Variants in ADAMTS5 observed in about 807,000 individuals in gnomAD.
ADAMTS5 encodes ADAM metallopeptidase with thrombospondin type 1 motif 5, also known as A disintegrin and metalloproteinase with thrombospondin motifs 5.
ADAMTS5 carries 54 observed loss-of-function variants against 81.4 expected under a neutral mutation model. The observed-to-expected ratio is 0.66, with a 90% CI of 0.53 to 0.83. The LOEUF is 0.83. Among genes scored for constraint, ADAMTS5 ranks in the 40% least tolerant of loss-of-function variants. The pLI is 0.00. For synonymous variants in ADAMTS5, 532 were observed against 508.8 expected (o/e 1.05, Z -0.61); for missense variants, 1,194 against 1,229.9 (o/e 0.97, Z 0.44).
intron 1 of ADAMTS5, among the ~76,000 whole-genome samples, chr21:26,956,982 G>T (rs1010726753): frequency 5.9e-5 from 9 of 152,140 alleles, no homozygotes; most frequent in Non-Finnish European, 1.2e-4. Context: ...TAACCACACT[G>T]ATTAAACTCC....
intron 7 of ADAMTS5, among the ~76,000 whole-genome samples, chr21:26,928,387 C>G (rs1324650851): frequency 6.6e-6 from 1 of 152,088 alleles, no homozygotes; most frequent in African/African-American, 2.4e-5. Context: ...ACATTGCATA[C>G]CACTTGTTGC....
chr21:26,942,147 C>T (rs180843470), intron 3 of ADAMTS5, among the ~76,000 whole-genome samples: 149 of 152,142 alleles, frequency 9.8e-4, no homozygotes, highest in African/African-American at 3.3e-3. Context: ...CTGTTCACCA[C>T]GAATGGAGCA....
chr21:26,949,316 TGACTAGCTGGGAC>T (rs2123193626), intron 2 of ADAMTS5, among the ~76,000 whole-genome samples: 1 of 152,102 alleles, frequency 6.6e-6, no homozygotes, highest in Non-Finnish European at 1.5e-5. Context: ...TCATACCTTC[TGACTAGCTGGGAC>T]TACAGGTGCA....
chr21:26,956,979 A>G (rs1434464182), intron 1 of ADAMTS5, among the ~76,000 whole-genome samples: 1 of 152,188 alleles, frequency 6.6e-6, no homozygotes, highest in Non-Finnish European at 1.5e-5. Flanking sequence ...TTTTAACCAC[A>G]CTGATTAAAC....
chr21:26,919,287 T>A lies in ADAMTS5; in HGVS notation c.*4766A>T, dbSNP rs1568834024. On this transcript the variant is annotated 3_prime_UTR_variant, in exon 8 of 8. Transcript: ENST00000284987. ...TCACAGTGTTAGACTTTTAGGTCAC[T>A]CTGATGTAGCAGTACCTTACAGGAT... 2 of 151,502 alleles carry A rather than the reference T, an allele frequency of 1.3e-5. No individual in the cohort carries two copies. The highest frequency in any genetic ancestry group is 2.9e-5 in the Non-Finnish European group (2 of 67,798). 9.4% of individuals were successfully genotyped at this position (151,502 alleles called of 1,614,324 possible).
chr21:26,962,953 A>AT (rs1159542746), intron 1 of ADAMTS5, among the ~76,000 whole-genome samples: 1 of 151,888 alleles, frequency 6.6e-6, no homozygotes, highest in Non-Finnish European at 1.5e-5. Flanking sequence ...ATGCCTTGAA[A>AT]TTTTTTTCAA....
rs16979461 is a variant in ADAMTS5 at position 26,934,008 on chromosome 21, A to C, written c.1689+458T>G. Among the ~76,000 whole-genome samples the C allele has an allele frequency of 7.8e-3, 1,187 of 152,284 alleles. 14 individuals are homozygous for C. Among genetic ancestry groups the C allele is most frequent in the African/African-American group, 0.027 (1,121 of 41,536 alleles). ...GCAGTCGTAAGTTACTTTAGCTCCTAAATTTAGATTAACTTATTGTCAAGG... is the reference window on the plus strand; with the variant it reads ...GCAGTCGTAAGTTACTTTAGCTCCTCAATTTAGATTAACTTATTGTCAAGG... On this transcript the variant is annotated intron_variant, in intron 4 of 7. Coordinates refer to ENST00000284987, the MANE Select transcript of ADAMTS5 (RefSeq NM_007038.5).
chr21:26,965,458 G>A lies in ADAMTS5; in HGVS notation c.934C>T (p.Arg312Cys). 1 of 1,614,252 alleles carries A rather than the reference G, an allele frequency of 6.2e-7. No homozygotes were observed. Among genetic ancestry groups the A allele is most frequent in the Non-Finnish European group, 8.5e-7 (1 of 1,180,042 alleles). The change falls in exon 1 of 8, where the codon CGC (arginine) becomes TGC (cysteine). Residue 312 changes from arginine (R) to cysteine (C), a missense_variant. Around this residue, in one of 2 missense-constraint regions of ADAMTS5, gnomAD observed 696 missense variants for 817.6 expected, o/e 0.85. Transcript: ENST00000284987. ...ACCACCACCTTCACCACGGCCAGGC[G>A]GATGTGGTTCTCGATGCTAGCATGG... ...YSHASIENHI[R>C]LAVVKVVVLG...
Position 26,924,128 on chromosome 21 carries a change from G to A in ADAMTS5, c.2718C>T (p.Asn906=). Residue 906 remains asparagine (N), a synonymous_variant, in exon 8 of 8, where the codon AAC becomes AAT. Coordinates refer to ENST00000284987, the MANE Select transcript of ADAMTS5 (RefSeq NM_007038.5). ...HTRTVQCQDG[N]RKLAKGCPLS... ...GAGGACATCCTTTTGCTAACTTCCG[G>A]TTTCCATCCTGGCACTGCACCGTTC... The A allele has an allele frequency of 6.2e-7, 1 of 1,612,898 alleles. No homozygotes were observed. The highest frequency in any genetic ancestry group is 1.1e-5 in the South Asian group (1 of 91,068).
chr21:26,928,614 TTTCCTTCC>T (rs141744438), intron 7 of ADAMTS5, among the ~76,000 whole-genome samples: 4 of 138,788 alleles, frequency 2.9e-5, no homozygotes, highest in African/African-American at 5.0e-5. Context: ...TTCCTTTTTC[TTTCCTTCC>T]TTCCTTCCTT....
intron 1 of ADAMTS5, among the ~76,000 whole-genome samples, chr21:26,961,394 T>C (rs977719329): frequency 6.6e-6 from 1 of 152,240 alleles, no homozygotes; most frequent in Non-Finnish European, 1.5e-5. Context: ...GAAAGGTCCA[T>C]AGGCAGAATT....
In ADAMTS5 at chr21:26,966,731, A is replaced by G. The variant is rs560428501; in HGVS notation, c.-340T>C. ...AAAAAACAAAAACCAAAAAACCACC[A>G]AATGCAGGCACGATCGCTGTTTCAA... On this transcript the variant is annotated 5_prime_UTR_variant, in exon 1 of 8. Coordinates refer to ENST00000284987, the MANE Select transcript of ADAMTS5 (RefSeq NM_007038.5). Among the ~76,000 whole-genome samples, 5 of 151,958 alleles carry G rather than the reference A, an allele frequency of 3.3e-5. No individual in the cohort carries two copies. The South Asian group carries it at 1.0e-3, about 32-fold the overall frequency.
Position 26,965,613 on chromosome 21 carries a change from C to A in ADAMTS5, c.779G>T (p.Arg260Leu). 4 of 1,594,760 alleles carry A rather than the reference C, an allele frequency of 2.5e-6. No homozygotes were observed. The highest frequency in any genetic ancestry group is 3.4e-6 in the Non-Finnish European group (4 of 1,172,380). The change falls in exon 1 of 8, where the codon CGC becomes CTC. Residue 260 changes from arginine (R) to leucine (L), a missense_variant. Transcript: ENST00000284987. ...SGPQTWWRRR[R>L]RSISRARQVE... ...CTGGCGGGCCCGGGAGATGGAGCGG[C>A]GCCGCCGCCGCCACCACGTCTGCGG...
At position 26,919,942 on chromosome 21, in the gene ADAMTS5, G is replaced by A. The variant is rs966318588; in HGVS notation, c.*4111C>T. 3 of 152,016 alleles carry A rather than the reference G, an allele frequency of 2.0e-5. No homozygotes were observed. Among genetic ancestry groups the A allele is most frequent in the Non-Finnish European group, 2.9e-5 (2 of 67,966 alleles). 9.4% of individuals were successfully genotyped at this position (152,016 alleles called of 1,614,324 possible). On this transcript the variant is annotated 3_prime_UTR_variant, in exon 8 of 8. Coordinates refer to ENST00000284987, the MANE Select transcript of ADAMTS5 (RefSeq NM_007038.5). ...ATTAAAGCTTTAAATGACCATTTCT[G>A]TACACATGGCTATTTCATTTATTTA... is the stretch of plus-strand genomic sequence containing the variant.
chr21:26,959,495 G>A (rs1253974297), intron 1 of ADAMTS5, among the ~76,000 whole-genome samples: 1 of 151,972 alleles, frequency 6.6e-6, no homozygotes, highest in Admixed American at 6.6e-5. Flanking sequence ...ACTTCACCAT[G>A]GTTTTGTTAA....
At chr21:26,938,416 G>T (rs1235874753) in intron 3 of ADAMTS5, among the ~76,000 whole-genome samples, 1 of 152,186 alleles carries the variant, frequency 6.6e-6, no homozygotes, top group East Asian at 1.9e-4. Context: ...TCCACTAAAG[G>T]TGTTGGAAGG....
intron 2 of ADAMTS5, among the ~76,000 whole-genome samples, chr21:26,947,713 G>A (rs951948088): frequency 7.2e-5 from 11 of 152,174 alleles, no homozygotes; most frequent in African/African-American, 2.4e-4. Context: ...GGGATTACAG[G>A]TGTGAACCAC....
rs1486601206 is a variant in ADAMTS5, at chr21:26,920,460, A to G, written c.*3593T>C. 1.3e-5 allele frequency: 2 copies of G among 152,066 alleles called. No homozygotes were observed. The highest frequency in any genetic ancestry group is 2.9e-5 in the Non-Finnish European group (2 of 67,980). The allele number at this position is 152,066 out of a possible 1,614,324, so 9.4% of individuals were successfully genotyped here. ...TATTAGCATTTGTTATACAAACCCA[A>G]TCTATTTGTGCTCATCTGTAGAATC... On this transcript the variant is annotated 3_prime_UTR_variant, in exon 8 of 8. Transcript: ENST00000284987.
intron 1 of ADAMTS5, among the ~76,000 whole-genome samples, chr21:26,960,985 T>C (rs375238571): frequency 2.0e-5 from 3 of 152,354 alleles, no homozygotes; most frequent in South Asian, 4.1e-4. Context: ...CATCATGCTG[T>C]GCAGCAATGA....
Sources: allele counts gnomAD v4.1 joint callset (sites outside exome capture counted in the v4.1 genomes callset), GRCh38; gene constraint gnomAD v4.1.1; regional missense constraint gnomAD v4.1.1; transcripts MANE v1.5; gene names NCBI Gene and HGNC (gene_info 2026-07-23, HGNC 2026-07-21).